TSNAX: variants seen among roughly 807,000 people sequenced by gnomAD.
The protein encoded by TSNAX is translin associated factor X, also known as translin-associated protein X.
TSNAX carries 12 observed loss-of-function variants against 33.0 expected under a neutral mutation model. That is an observed-to-expected ratio of 0.36 (90% CI 0.23 to 0.59). TSNAX has a LOEUF of 0.59. TSNAX is among the 20% of genes least tolerant of loss of function. The pLI is 0.74. For missense variants in TSNAX, 267 were observed against 341.3 expected, an observed-to-expected ratio of 0.78 and a Z score of 1.72; for synonymous variants, 110 against 117.2, an observed-to-expected ratio of 0.94 and a Z score of 0.40.
chr1:231,543,618 A>T (rs893971415), intron 4 of TSNAX, among the ~76,000 whole-genome samples: 1 of 152,200 alleles, frequency 6.6e-6, no homozygotes, highest in Middle Eastern at 3.2e-3. Flanking sequence ...GCTTAATACG[A>T]ATACCCAGTT....
At chr1:231,553,276 G>T (rs1178802461) in intron 4 of TSNAX, among the ~76,000 whole-genome samples, 1 of 152,138 alleles carries the variant, frequency 6.6e-6, no homozygotes, top group Non-Finnish European at 1.5e-5. Context: ...GATGTATATT[G>T]CTTAAATATT....
intron 4 of TSNAX, among the ~76,000 whole-genome samples, chr1:231,547,224 C>A (rs913233204): frequency 6.6e-6 from 1 of 152,036 alleles, no homozygotes; most frequent in African/African-American, 2.4e-5. Context: ...TTTAGTTCTA[C>A]TACCTAATTT....
At chr1:231,542,102 T>A (rs889012837) in intron 3 of TSNAX, among the ~76,000 whole-genome samples, 1 of 152,204 alleles carries the variant, frequency 6.6e-6, no homozygotes, top group African/African-American at 2.4e-5. Context: ...CAGGGATCAC[T>A]GCTCCATGCT....
In TSNAX at chr1:231,564,855, G is replaced by A. The variant is rs1661329049; in HGVS notation, c.823G>A (p.Val275Met). The A allele has an allele frequency of 6.2e-7, 1 of 1,614,156 alleles. No homozygotes were observed. Residue 275 changes from valine to methionine, a missense_variant, in exon 6 of 6, where the codon GTG (valine) becomes ATG (methionine). Physicochemically the swap from Val to Met is conservative, Grantham distance 21. This residue lies in a region of TSNAX where 67 missense variants were observed against 127.2 expected (regional missense o/e 0.53). Transcript: ENST00000366639. ...SEIPKHMLAD[V>M]FSVKTEMIDQ... ...AATTCCAAAACATATGTTGGCAGAT[G>A]TGTTTTCAGTTAAAACAGAAATGAT...
chr1:231,533,042 A>AT (rs1273467317), intron 2 of TSNAX, among the ~76,000 whole-genome samples: 2 of 149,838 alleles, frequency 1.3e-5, no homozygotes. Context: ...GTCAGAGGAG[A>AT]TTTTAAAAGG....
At position 231,538,526 on chromosome 1, in the gene TSNAX, A is replaced by G. The variant is rs1038015023; in HGVS notation, c.236+1199A>G. On this transcript the variant is annotated intron_variant, in intron 3 of 5. Transcript: ENST00000366639. ...CCTTTGCCTGTTTCACGAGAGGTAG[A>G]ATAGTATCTACCCTACAACTCCCCA... Among the ~76,000 whole-genome samples the G allele has an allele frequency of 5.9e-5, 9 of 152,216 alleles. No individual in the cohort carries two copies. The South Asian group carries it at 1.4e-3, about 24-fold the overall frequency.
chr1:231,549,036 A>G (rs1313646912), intron 4 of TSNAX, among the ~76,000 whole-genome samples: 1 of 152,220 alleles, frequency 6.6e-6, no homozygotes, highest in African/African-American at 2.4e-5. Context: ...ATGGGTAGTT[A>G]CAGATGGGTA....
chr1:231,563,330 G>C (rs184529249), intron 5 of TSNAX: 1 of 152,520 alleles, frequency 6.6e-6, no homozygotes, highest in Non-Finnish European at 1.5e-5. Flanking sequence ...GAGATTTCAT[G>C]ATGATATCAT....
Position 231,555,586 on chromosome 1 carries a change from A to G in TSNAX, c.368-5542A>G, listed in dbSNP as rs72756576. Reference sequence around the variant, plus strand: ...TAAATGTTATGTTTGTTTTACCACAATTAAACGGAGAAAAAATAAAAATGA... The same window carrying G: ...TAAATGTTATGTTTGTTTTACCACAGTTAAACGGAGAAAAAATAAAAATGA... On this transcript the variant is annotated intron_variant, in intron 4 of 5. Transcript: ENST00000366639. Among the ~76,000 whole-genome samples the G allele has an allele frequency of 7.7e-3, 1,168 of 152,342 alleles. 3 individuals are homozygous for G. Among genetic ancestry groups the G allele is most frequent in the Non-Finnish European group, 0.012 (810 of 68,022 alleles).
Position 231,565,020 on chromosome 1 carries a change from G to T in TSNAX, c.*115G>T. ...TGGCTTTTACATAGAAACATATTCA[G>T]TTGTACTTGTTTTAAATTGTATACA... On this transcript the variant is annotated 3_prime_UTR_variant, in exon 6 of 6. Transcript: ENST00000366639. 8.0e-7 allele frequency: 1 copy of T among 1,252,944 alleles called. No individual in the cohort carries two copies. Among genetic ancestry groups the T allele is most frequent in the South Asian group, 1.5e-5 (1 of 64,738 alleles). 77.6% of individuals were successfully genotyped at this position (1,252,944 alleles called of 1,614,324 possible).
At chr1:231,543,370 G>A (rs374810137) in intron 4 of TSNAX, among the ~76,000 whole-genome samples, 2 of 151,484 alleles carry the variant, frequency 1.3e-5, no homozygotes, top group African/African-American at 4.9e-5. Context: ...GGGAACAGAA[G>A]TGTTTCAGAT....
At chr1:231,554,430 A>G (rs1228310302) in intron 4 of TSNAX, among the ~76,000 whole-genome samples, 1 of 152,190 alleles carries the variant, frequency 6.6e-6, no homozygotes, top group Non-Finnish European at 1.5e-5. Flanking sequence ...GGAGAGGGCC[A>G]AGGAGCAAAG....
At chr1:231,535,246 A>T (rs1213742969) in intron 2 of TSNAX, 2 of 152,190 alleles carry the variant, frequency 1.3e-5, no homozygotes, top group Non-Finnish European at 2.9e-5. Flanking sequence ...TGTTTTATTA[A>T]ATGTTAGGTA....
At position 231,566,051 on chromosome 1, in the gene TSNAX, C is replaced by G. The variant is rs1175518343; in HGVS notation, c.*1146C>G. The G allele has an allele frequency of 6.6e-6, 1 of 151,982 alleles. No homozygotes were observed. The highest frequency in any genetic ancestry group is 1.9e-4 in the East Asian group (1 of 5,190). The allele number at this position is 151,982 out of a possible 1,614,324, so 9.4% of individuals were successfully genotyped here. ...AGGCATGTTTGGAGGCTTTCCTATT[C>G]TAGCATTTAAATTTAAATTTTATTA... On this transcript the variant is annotated 3_prime_UTR_variant, in exon 6 of 6. Transcript: ENST00000366639.
intron 5 of TSNAX, chr1:231,563,652 ATTTTTTTTT>A (rs11313472): frequency 2.2e-5 from 3 of 133,786 alleles, no homozygotes; most frequent in Admixed American, 7.6e-5. Flanking sequence ...GTGGATATAA[ATTTTTTTTT>A]TTTTTTTTTT....
chr1:231,559,407 C>G (rs577459994), intron 4 of TSNAX, among the ~76,000 whole-genome samples: 4 of 152,222 alleles, frequency 2.6e-5, no homozygotes, highest in African/African-American at 9.6e-5. Context: ...CGGCTCATTA[C>G]AAGCCCCACC....
At chr1:231,532,888 A>G (rs1444656403) in intron 2 of TSNAX, among the ~76,000 whole-genome samples, 2 of 152,198 alleles carry the variant, frequency 1.3e-5, no homozygotes, top group African/African-American at 2.4e-5. Context: ...TTTCTTACAT[A>G]TAGAGACAGT....
At chr1:231,535,613 T>C (rs2124885751) in intron 2 of TSNAX, 1 of 152,268 alleles carries the variant, frequency 6.6e-6, no homozygotes, top group Non-Finnish European at 1.5e-5. Context: ...AGATGAAACT[T>C]AAGTTAGCAT....
chr1:231,537,741 A>C (rs1659274532), intron 3 of TSNAX, among the ~76,000 whole-genome samples: 1 of 121,218 alleles, frequency 8.2e-6, no homozygotes, highest in South Asian at 2.4e-4. Context: ...ACCCTGTCTC[A>C]AAAAAAAAAA....
Sources: gnomAD v4.1 joint callset for allele counts (sites outside exome capture counted in the v4.1 genomes callset) on GRCh38, gnomAD v4.1.1 for gene constraint, gnomAD v4.1.1 regional missense constraint, MANE v1.5 for transcripts, NCBI Gene and HGNC (gene_info 2026-07-23, HGNC 2026-07-21) for gene names.